PTPN18: variants seen among roughly 807,000 people sequenced by gnomAD.
The protein encoded by PTPN18 is protein tyrosine phosphatase non-receptor type 18.
Under a neutral mutation model 65.4 loss-of-function variants are expected in PTPN18, and 65 were observed. The observed-to-expected ratio is 0.99, with a 90% CI of 0.81 to 1.22. The LOEUF (loss-of-function observed/expected upper bound fraction) is 1.22, where lower values mean the gene tolerates loss of function less well. Among genes scored for constraint, PTPN18 ranks in the 50% most tolerant of loss-of-function variants. The pLI is 0.00. For missense variants in PTPN18, 616 were observed against 646.5 expected, an observed-to-expected ratio of 0.95 and a Z score of 0.51; for synonymous variants, 255 against 267.8, an observed-to-expected ratio of 0.95 and a Z score of 0.47.
In PTPN18 at chr2:130,359,293, A is replaced by T. The variant is rs776321539; in HGVS notation, c.263A>T (p.Asn88Ile). 1.2e-6 allele frequency: 2 copies of T among 1,614,120 alleles called. No homozygotes were observed. Among genetic ancestry groups the T allele is most frequent in the Non-Finnish European group, 1.7e-6 (2 of 1,179,986 alleles). The change falls in exon 3 of 15, where the codon AAT becomes ATT. Residue 88 changes from asparagine to isoleucine, a missense_variant. Asn to Ile is a moderately radical substitution (Grantham distance 149). Around this residue, in one of 3 missense-constraint regions of PTPN18, gnomAD observed 223 missense variants for 210.0 expected, o/e 1.06. Transcript: ENST00000175756. ...GAAGAGGGACACAGCGACTACATTA[A>T]TGGCAACTTCATCCGGGTGAGGGTT... ...LQEEGHSDYINGNFIRGVDGS... is the reference protein window; with the variant it reads ...LQEEGHSDYIIGNFIRGVDGS...
At chr2:130,372,815 G>A (rs937284230) in intron 13 of PTPN18, 58 bp from the exon 14 acceptor site, 1 of 1,590,348 alleles carries the variant, frequency 6.3e-7, no homozygotes, top group Non-Finnish European at 8.6e-7. Context: ...CTAGGGGTGG[G>A]GTCTTGGGAC....
intron 5 of PTPN18, among the ~76,000 whole-genome samples, chr2:130,361,736 T>C (rs1680223005): frequency 6.6e-6 from 1 of 151,932 alleles, no homozygotes; most frequent in Non-Finnish European, 1.5e-5. Flanking sequence ...TGCAGGTGCC[T>C]GCCACCACGC....
chr2:130,374,646 C>T lies in PTPN18; in HGVS notation c.*1422C>T, dbSNP rs1333054958. On this transcript the variant is annotated 3_prime_UTR_variant, in exon 15 of 15. Transcript: ENST00000175756. The stretch of plus-strand genomic sequence containing the variant: ...TGCTCTTTCCCTGAACCTCAAGGGT[C>T]CCGCCCCTCTCACTTTCAGGTCTCT... 1 of 471,434 alleles carries T rather than the reference C, an allele frequency of 2.1e-6. No individual in the cohort carries two copies. The highest frequency in any genetic ancestry group is 4.4e-6 in the Non-Finnish European group (1 of 227,100). The allele number at this position is 471,434 out of a possible 1,614,324, so 29.2% of individuals were successfully genotyped here.
rs747115907 is a variant in PTPN18, at chr2:130,359,661, C to T, written c.414+15C>T. On this transcript the variant is annotated intron_variant, in intron 5 of 14. Transcript: ENST00000175756. ...AGAATGGGCGGGTAGGTGCCCTCTG[C>T]CCCCAGGTTTCATGTCCTTGTGGGA... 5 of 1,612,770 alleles carry T rather than the reference C, an allele frequency of 3.1e-6. No homozygotes were observed. In the African/African-American group the frequency reaches 4.0e-5, roughly 13 times the overall value.
chr2:130,370,872 C>A lies in PTPN18; in HGVS notation c.835-3C>A, dbSNP rs1411443280. 2 of 1,614,088 alleles carry A rather than the reference C, an allele frequency of 1.2e-6. No homozygotes were observed. On this transcript the variant is annotated splice_region_variant and splice_polypyrimidine_tract_variant and intron_variant, in intron 10 of 14. Coordinates refer to ENST00000175756, the MANE Select transcript of PTPN18 (RefSeq NM_014369.4). ...CCTTCTTGATGGTCCCTCACCCCAA[C>A]AGGAGCAGTACAGGTTCCTGTACCA... is the stretch of plus-strand genomic sequence containing the variant.
chr2:130,365,639 G>A (rs922154470), intron 5 of PTPN18, among the ~76,000 whole-genome samples: 8 of 152,158 alleles, frequency 5.3e-5, no homozygotes, highest in African/African-American at 1.4e-4. Context: ...AGAAGTCATT[G>A]TCTAATCAGA....
Position 130,370,555 on chromosome 2 carries a change from A to C in PTPN18, c.690-2A>C, listed in dbSNP as rs1245619714. 1 of 1,613,990 alleles carries C rather than the reference A, an allele frequency of 6.2e-7. No individual in the cohort carries two copies. Among genetic ancestry groups the C allele is most frequent in the Non-Finnish European group, 8.5e-7 (1 of 1,180,020 alleles). ...CCAGGCACACTCTGATTCTCTTGTCAGTGCGGGTTGTGGGCGAACAGGCGT... is the reference window on the plus strand; with the variant it reads ...CCAGGCACACTCTGATTCTCTTGTCCGTGCGGGTTGTGGGCGAACAGGCGT... On this transcript the variant is annotated splice_acceptor_variant, in intron 8 of 14. Coordinates refer to ENST00000175756, the MANE Select transcript of PTPN18 (RefSeq NM_014369.4). LOFTEE classifies it high-confidence loss of function.
At chr2:130,359,353 G>A in intron 3 of PTPN18, 44 bp downstream of exon 3, 1 of 1,614,060 alleles carries the variant, frequency 6.2e-7, no homozygotes, top group Non-Finnish European at 8.5e-7. Flanking sequence ...GGAGTGGCCA[G>A]GGGTGGGCCG....
chr2:130,371,312 T>C lies in PTPN18; in HGVS notation c.1013+25T>C, dbSNP rs371873272. ...GGTACCCGGCTCCATCCCCGGATTC[T>C]TCCCTGCCCAATTTCTCAGGCTAAC... On this transcript the variant is annotated intron_variant, in intron 12 of 14. Transcript: ENST00000175756. 33 of 1,526,436 alleles carry C rather than the reference T, an allele frequency of 2.2e-5. No homozygotes were observed. In the African/African-American group the frequency reaches 4.3e-4, roughly 20 times the overall value. The allele number at this position is 1,526,436 out of a possible 1,614,324, so 94.6% of individuals were successfully genotyped here.
At chr2:130,362,441 T>C (rs559525438) in intron 5 of PTPN18, 2 of 248,332 alleles carry the variant, frequency 8.1e-6, no homozygotes, top group African/African-American at 4.7e-5. Flanking sequence ...GAATTTTTTA[T>C]TAATCTATTG....
intron 5 of PTPN18, among the ~76,000 whole-genome samples, chr2:130,362,727 G>C (rs931052196): frequency 2.0e-5 from 3 of 152,084 alleles, no homozygotes; most frequent in Non-Finnish European, 4.4e-5. Flanking sequence ...CAGCTTTATT[G>C]ATATACAATT....
In PTPN18 at chr2:130,356,098, C is replaced by T. The variant is rs1205366602; in HGVS notation, c.-10C>T. 1.5e-6 allele frequency: 2 copies of T among 1,292,816 alleles called. No individual in the cohort carries two copies. The highest frequency in any genetic ancestry group is 1.6e-5 in the African/African-American group (1 of 64,262). The allele number at this position is 1,292,816 out of a possible 1,614,324, so 80.1% of individuals were successfully genotyped here. A position where few individuals can be genotyped will look rare whatever the true frequency, so the allele number is the denominator to read the frequency against. On this transcript the variant is annotated 5_prime_UTR_variant, in exon 1 of 15. Transcript: ENST00000175756. Reference sequence around the variant, plus strand: ...GGCGGCCGGGCTGGACCTTGCTGGCCCGCGGCGCCATGAGCCGCAGCCTGG... The same window carrying T: ...GGCGGCCGGGCTGGACCTTGCTGGCTCGCGGCGCCATGAGCCGCAGCCTGG...
chr2:130,370,015 T>TA, intron 7 of PTPN18, 33 bp from the exon 8 acceptor site: 1 of 1,607,474 alleles, frequency 6.2e-7, no homozygotes, highest in Admixed American at 1.7e-5. Flanking sequence ...TTTTTTTTCC[T>TA]AAGTCTTTTG....
At chr2:130,361,648 C>T (rs913785449) in intron 5 of PTPN18, among the ~76,000 whole-genome samples, 3 of 151,100 alleles carry the variant, frequency 2.0e-5, no homozygotes, top group Non-Finnish European at 4.4e-5. Context: ...AGTTCAATGG[C>T]GCGATCTTGG....
At chr2:130,367,920 C>T (rs1002351774) in intron 5 of PTPN18, among the ~76,000 whole-genome samples, 1 of 152,124 alleles carries the variant, frequency 6.6e-6, no homozygotes, top group African/African-American at 2.4e-5. Context: ...TGGTATATTT[C>T]TACAGAGAAC....
chr2:130,360,658 G>A (rs1400257693), intron 5 of PTPN18, among the ~76,000 whole-genome samples: 1 of 152,152 alleles, frequency 6.6e-6, no homozygotes, highest in Non-Finnish European at 1.5e-5. Context: ...GCAGAGTTGA[G>A]TAGTTGCAAG....
At chr2:130,359,366 G>A in intron 3 of PTPN18, 31 bp from the exon 4 acceptor site, 1 of 1,614,140 alleles carries the variant, frequency 6.2e-7, no homozygotes, top group Non-Finnish European at 8.5e-7. Flanking sequence ...GTGGGCCGCA[G>A]AATCTCAGTC....
intron 1 of PTPN18, among the ~76,000 whole-genome samples, chr2:130,358,464 A>T (rs1680064309): frequency 6.6e-6 from 1 of 152,174 alleles, no homozygotes; most frequent in Non-Finnish European, 1.5e-5. Flanking sequence ...GTTATTGCTT[A>T]CAAGACAATG....
chr2:130,356,069 G>T lies in PTPN18; in HGVS notation c.-39G>T. Reference sequence around the variant, plus strand: ...CCCGCGGCGTCCACACTCGCCGCGCGCGCGGCGGCCGGGCTGGACCTTGCT... The same window carrying T: ...CCCGCGGCGTCCACACTCGCCGCGCTCGCGGCGGCCGGGCTGGACCTTGCT... On this transcript the variant is annotated 5_prime_UTR_variant, in exon 1 of 15. Transcript: ENST00000175756. The T allele has an allele frequency of 8.3e-7, 1 of 1,200,852 alleles. No homozygotes were observed. Among genetic ancestry groups the T allele is most frequent in the Non-Finnish European group, 1.0e-6 (1 of 960,746 alleles). 74.4% of individuals were successfully genotyped at this position (1,200,852 alleles called of 1,614,324 possible).
Sources: allele counts gnomAD v4.1 joint callset (sites outside exome capture counted in the v4.1 genomes callset), GRCh38; gene constraint gnomAD v4.1.1; regional missense constraint gnomAD v4.1.1; transcripts MANE v1.5; gene names NCBI Gene and HGNC (gene_info 2026-07-23, HGNC 2026-07-21).